Variants in MMP26 observed in about 807,000 individuals in gnomAD.
MMP26 encodes the protein matrix metalloproteinase-26.
A neutral mutation model predicts 31.0 loss-of-function variants in MMP26; 33 were observed. The observed-to-expected ratio is 1.06, with a 90% confidence interval of 0.81 to 1.42. MMP26 has a LOEUF of 1.42. Among genes scored for constraint, MMP26 ranks in the 40% most tolerant of loss-of-function variants. MMP26 has a pLI of 0.00. For synonymous variants in MMP26, 122 were observed against 114.9 expected (o/e 1.06, Z -0.40); for missense variants, 347 against 316.1 (o/e 1.10, Z -0.74).
chr11:4,809,785 A>G (rs1849325370), intron 2 of MMP26, among the ~76,000 whole-genome samples: 1 of 152,064 alleles, frequency 6.6e-6, no homozygotes, highest in Non-Finnish European at 1.5e-5. Context: ...GGATCTGTAG[A>G]CCTGAAGCTC....
At chr11:4,990,279 TATTTA>T (rs978469758) in intron 4 of MMP26, among the ~76,000 whole-genome samples, 10 of 152,202 alleles carry the variant, frequency 6.6e-5, no homozygotes, top group African/African-American at 2.4e-4. Context: ...GAATGCTGTA[TATTTA>T]ATTTAATTTA....
chr11:4,937,472 C>T (rs16907558), intron 2 of MMP26: 16,197 of 152,804 alleles, frequency 0.11, 979 homozygotes, highest in Middle Eastern at 0.24. Flanking sequence ...GCCATGAGGA[C>T]GTGGATCATA....
intron 2 of MMP26, among the ~76,000 whole-genome samples, chr11:4,923,092 A>G (rs1170625071): frequency 6.6e-6 from 1 of 152,230 alleles, no homozygotes; most frequent in African/African-American, 2.4e-5. Context: ...TGAAAATTGT[A>G]TATTTGCCAG....
chr11:4,934,613 C>A (rs1331305022), intron 2 of MMP26, among the ~76,000 whole-genome samples: 17 of 144,428 alleles, frequency 1.2e-4, no homozygotes, highest in Non-Finnish European at 2.1e-4. Flanking sequence ...TCTTTTGTTG[C>A]CATTGCTTTT....
At chr11:4,915,223 G>T (rs1261911210) in intron 2 of MMP26, 2 of 1,613,806 alleles carry the variant, frequency 1.2e-6, no homozygotes, top group Admixed American at 3.3e-5. Flanking sequence ...GGCCAATCCT[G>T]CCAATGACTG....
intron 2 of MMP26, chr11:4,945,955 T>C: frequency 1.7e-6 from 1 of 583,604 alleles, no homozygotes; most frequent in Non-Finnish European, 3.1e-6. Context: ...TTATTTTTAT[T>C]CTGCTTAACT....
At chr11:4,862,629 T>A (rs1038788599) in intron 2 of MMP26, among the ~76,000 whole-genome samples, 6 of 152,120 alleles carry the variant, frequency 3.9e-5, no homozygotes, top group South Asian at 2.1e-4. Flanking sequence ...CAAGAACTGG[T>A]CTGGGAGCTC....
chr11:4,876,279 A>C (rs1256181747), intron 2 of MMP26: 1 of 152,138 alleles, frequency 6.6e-6, no homozygotes, highest in Non-Finnish European at 1.5e-5. Context: ...TCTGAATTGC[A>C]TATGTCCCTA....
At chr11:4,848,898 G>A (rs776320504) in intron 2 of MMP26, 2 of 1,614,156 alleles carry the variant, frequency 1.2e-6, no homozygotes, top group Non-Finnish European at 8.5e-7. Context: ...TAGAAGGCAG[G>A]CTGAGGCAGG....
At chr11:4,962,520 T>A (rs978267089) in intron 2 of MMP26, among the ~76,000 whole-genome samples, 1 of 152,220 alleles carries the variant, frequency 6.6e-6, no homozygotes, top group Non-Finnish European at 1.5e-5. Context: ...TTCTCACAGA[T>A]GCCCATTGCA....
intron 1 of MMP26, among the ~76,000 whole-genome samples, chr11:4,717,809 A>G (rs1847955315): frequency 1.3e-5 from 2 of 152,202 alleles, no homozygotes; most frequent in Non-Finnish European, 2.9e-5. Context: ...TCATGTGGTA[A>G]CCCAGCTGGT....
At chr11:4,874,202 G>A (rs927532839) in intron 2 of MMP26, among the ~76,000 whole-genome samples, 2 of 151,996 alleles carry the variant, frequency 1.3e-5, no homozygotes, top group East Asian at 1.9e-4. Flanking sequence ...TTTAAAATAC[G>A]ACTAGTACAA....
At chr11:4,878,140 A>G (rs1850409474) in intron 2 of MMP26, 1 of 152,178 alleles carries the variant, frequency 6.6e-6, no homozygotes, top group Admixed American at 6.6e-5. Flanking sequence ...ACCTTGCATT[A>G]TGCAGTCTTT....
chr11:4,988,597 T>C (rs774297886), intron 3 of MMP26, among the ~76,000 whole-genome samples: 7 of 152,044 alleles, frequency 4.6e-5, no homozygotes, highest in Non-Finnish European at 1.0e-4. Flanking sequence ...CTATATGGCA[T>C]AGAGTGAACA....
chr11:4,868,284 G>C (rs761625596), intron 2 of MMP26, among the ~76,000 whole-genome samples: 9 of 152,128 alleles, frequency 5.9e-5, no homozygotes, highest in Non-Finnish European at 1.2e-4. Context: ...AATTGTCCCT[G>C]TTTGCAGATG....
intron 2 of MMP26, chr11:4,946,145 G>T (rs1846298070): frequency 2.5e-6 from 4 of 1,607,062 alleles, no homozygotes; most frequent in Non-Finnish European, 3.4e-6. Flanking sequence ...CAGGTTTTCT[G>T]TCACATATGA....
At chr11:4,769,269 C>A in intron 2 of MMP26, 1 of 1,613,746 alleles carries the variant, frequency 6.2e-7, no homozygotes, top group Non-Finnish European at 8.5e-7. Context: ...TATGACAGGA[C>A]AATGCATGGT....
chr11:4,766,715 C>CCCTCCCTTCCTCCCTT (rs146904358), intron 1 of MMP26, among the ~76,000 whole-genome samples: 4 of 113,892 alleles, frequency 3.5e-5, no homozygotes, highest in African/African-American at 1.5e-4. Flanking sequence ...CTCCCTCCCT[C>CCCTCCCTTCCTCCCTT]CCTTCCTTCC....
chr11:4,847,984 T>A, intron 2 of MMP26: 1 of 452,782 alleles, frequency 2.2e-6, no homozygotes, highest in South Asian at 4.7e-5. Context: ...CTTGGATAGT[T>A]GTGACAAGAT....
Sources: gnomAD v4.1 joint callset for allele counts (sites outside exome capture counted in the v4.1 genomes callset) on GRCh38, gnomAD v4.1.1 for gene constraint, MANE v1.5 for transcripts, NCBI Gene and HGNC (gene_info 2026-07-23, HGNC 2026-07-21) for gene names.